The following SF3B1 variants were observed in gnomAD, a reference collection of about 807,000 sequenced individuals.
SF3B1 encodes the protein splicing factor 3b subunit 1.
A neutral mutation model predicts 153.8 loss-of-function variants in SF3B1; 12 were observed. The ratio of observed to expected loss-of-function variants is 0.08; its 90% CI spans 0.05 to 0.13. The LOEUF is 0.13. SF3B1 is among the 10% of genes least tolerant of loss of function. The pLI is 1.00. For synonymous variants in SF3B1, 498 were observed against 525.2 expected (o/e 0.95, Z 0.71); for missense variants, 513 against 1,606.1 (o/e 0.32, Z 11.63).
chr2:197,430,446 C>T (rs1445491570), intron 1 of SF3B1, among the ~76,000 whole-genome samples: 1 of 151,870 alleles, frequency 6.6e-6, no homozygotes, highest in Admixed American at 6.6e-5. Flanking sequence ...TTACTACTCA[C>T]GGTAGTTTTT....
At chr2:197,411,800 A>G (rs2085072449) in intron 6 of SF3B1, among the ~76,000 whole-genome samples, 1 of 152,084 alleles carries the variant, frequency 6.6e-6, no homozygotes, top group Non-Finnish European at 1.5e-5. Context: ...TTTTCCCTTA[A>G]AAACATACTA....
chr2:197,409,094 C>T (rs905339364), intron 7 of SF3B1, among the ~76,000 whole-genome samples: 1 of 151,976 alleles, frequency 6.6e-6, no homozygotes, highest in African/African-American at 2.4e-5. Flanking sequence ...ATTGTCTCTA[C>T]AAAAAATTTA....
At chr2:197,412,380 G>C (rs982820204) in intron 6 of SF3B1, among the ~76,000 whole-genome samples, 1 of 148,084 alleles carries the variant, frequency 6.8e-6, no homozygotes, top group Non-Finnish European at 1.5e-5. Context: ...ATTTGAGACA[G>C]AGTCTCACTC....
intron 9 of SF3B1, 67 bp from the exon 10 acceptor site, chr2:197,405,539 GCA>G: frequency 9.0e-7 from 1 of 1,113,280 alleles, no homozygotes; most frequent in South Asian, 1.4e-5. Context: ...AACAATATTT[GCA>G]CTTAAAATAT....
rs768672179 is a variant in SF3B1, at chr2:197,423,831, T to C, written c.172A>G (p.Ile58Val). 4 of 1,613,744 alleles carry C rather than the reference T, an allele frequency of 2.5e-6. No individual in the cohort carries two copies. The highest frequency in any genetic ancestry group is 1.3e-5 in the African/African-American group (1 of 74,934). The change falls in exon 2 of 25, where the codon ATT becomes GTT. Residue 58 changes from isoleucine (I) to valine (V), a missense_variant. By Grantham distance (29) the Ile-to-Val change is conservative. This residue lies in a region of SF3B1 where 14 missense variants were observed against 54.8 expected (regional missense o/e 0.26). Coordinates refer to ENST00000335508, the MANE Select transcript of SF3B1 (RefSeq NM_012433.4). ...DSRFAGYVTS[I>V]AATELEDDDD... ...ACATCTTCAAGTTCAGTTGCAGCAA[T>C]TGATGTCACGTATCCAGCAAATCTG...
chr2:197,422,582 T>C (rs2085262969), intron 2 of SF3B1, among the ~76,000 whole-genome samples: 1 of 151,014 alleles, frequency 6.6e-6, no homozygotes, highest in Non-Finnish European at 1.5e-5. Context: ...ACATCACCTA[T>C]CCAAAAATTA....
At chr2:197,419,291 T>C in intron 4 of SF3B1, 1 of 302,314 alleles carries the variant, frequency 3.3e-6, no homozygotes, top group East Asian at 5.1e-5. Flanking sequence ...AGAAGCAACG[T>C]GGTGTACAAA....
At chr2:197,423,049 T>A (rs139193412) in intron 2 of SF3B1, among the ~76,000 whole-genome samples, 4 of 152,196 alleles carry the variant, frequency 2.6e-5, no homozygotes, top group Admixed American at 2.6e-4. Flanking sequence ...TCCTCCTCCA[T>A]AGGAATTCAA....
intron 10 of SF3B1, 32 bp from the exon 11 acceptor site, chr2:197,405,209 G>A: frequency 6.3e-7 from 1 of 1,595,768 alleles, no homozygotes; most frequent in South Asian, 1.1e-5. Flanking sequence ...GTTAAGGGAA[G>A]TTGAAATGTT....
Position 197,401,972 on chromosome 2 carries a change from T to C in SF3B1, c.2223+13A>G, listed in dbSNP as rs2105984970. 6.2e-7 allele frequency: 1 copy of C among 1,608,268 alleles called. No individual in the cohort carries two copies. Among genetic ancestry groups the C allele is most frequent in the Non-Finnish European group, 8.5e-7 (1 of 1,178,014 alleles). ...TTAATGAAGATAAATCAAAAGGTAA[T>C]TGGTGGATTTACCTTTCCTCTGTGT... On this transcript the variant is annotated intron_variant, in intron 15 of 24. Coordinates refer to ENST00000335508, the MANE Select transcript of SF3B1 (RefSeq NM_012433.4). This position sits in a 1 kb window ranked among gnomAD's most constrained non-coding sequence, Gnocchi z 4.2.
intron 6 of SF3B1, 25 bp downstream of exon 6, chr2:197,416,716 A>C: frequency 1.3e-6 from 2 of 1,594,222 alleles, no homozygotes; most frequent in South Asian, 2.3e-5. Context: ...TTTAACAGTA[A>C]TAACAAAAAA....
intron 4 of SF3B1, chr2:197,418,966 C>G (rs2085197979): frequency 1.3e-6 from 2 of 1,582,410 alleles, no homozygotes; most frequent in African/African-American, 2.7e-5. Context: ...AAAATTATCT[C>G]TTTACCATTA....
At chr2:197,426,466 CT>C (rs201455233) in intron 1 of SF3B1, among the ~76,000 whole-genome samples, 1 of 150,812 alleles carries the variant, frequency 6.6e-6, no homozygotes, top group Admixed American at 6.6e-5. Context: ...CAGCTTCAGG[CT>C]TTTTTTTTAA....
chr2:197,417,031 T>C, intron 5 of SF3B1, 120 bp from the exon 6 acceptor site: 1 of 946,536 alleles, frequency 1.1e-6, no homozygotes. Context: ...TTCTATGTAC[T>C]GGTGATCTCC....
intron 1 of SF3B1, among the ~76,000 whole-genome samples, chr2:197,426,529 A>T (rs779982581): frequency 6.6e-6 from 1 of 152,164 alleles, no homozygotes; most frequent in Non-Finnish European, 1.5e-5. Flanking sequence ...TAAAAGGACC[A>T]CAAATGCTAC....
rs1325480404 is a variant in SF3B1, at chr2:197,402,194, A to T, written c.2078-64T>A. 1 of 1,532,328 alleles carries T rather than the reference A, an allele frequency of 6.5e-7. No homozygotes were observed. Among genetic ancestry groups the T allele is most frequent in the Non-Finnish European group, 8.8e-7 (1 of 1,137,572 alleles). The allele number at this position is 1,532,328 out of a possible 1,614,324, so 94.9% of individuals were successfully genotyped here. ...TTACCTAAGTTACACAATATCATCC[A>T]GATTCTCTCAATATATCAACTATTC... On this transcript the variant is annotated intron_variant, in intron 14 of 24. Transcript: ENST00000335508. This position sits in a 1 kb window ranked among gnomAD's most constrained non-coding sequence, Gnocchi z 4.6.
intron 1 of SF3B1, among the ~76,000 whole-genome samples, chr2:197,424,338 A>G (rs1410707530): frequency 6.6e-6 from 1 of 152,046 alleles, no homozygotes; most frequent in Non-Finnish European, 1.5e-5. Context: ...CGTCTCTACT[A>G]AAAAATACAA....
chr2:197,418,470 T>G (rs2085190189), intron 5 of SF3B1, 39 bp downstream of exon 5: 2 of 1,466,222 alleles, frequency 1.4e-6, no homozygotes, highest in Non-Finnish European at 1.9e-6. Flanking sequence ...GTATTTATAT[T>G]CTTTCACAAC....
In SF3B1 at chr2:197,398,535, G is replaced by A; in HGVS notation, c.3060C>T (p.Leu1020=). ...TPPIKDLLPR[L]TPILKNRHEK... is the part of the protein sequence containing the mutation. ...CATGTCTGTTCTTTAAGATGGGGGT[G>A]AGTCTAGGCAGCAGATCTTTAATTG... is the stretch of plus-strand genomic sequence containing the variant. Residue 1020 remains leucine, a synonymous_variant, in exon 21 of 25, where the codon CTC becomes CTT. Transcript: ENST00000335508. 6.2e-7 allele frequency: 1 copy of A among 1,613,030 alleles called. No individual in the cohort carries two copies. Among genetic ancestry groups the A allele is most frequent in the Non-Finnish European group, 8.5e-7 (1 of 1,179,076 alleles).
Sources: gnomAD v4.1 joint callset for allele counts (sites outside exome capture counted in the v4.1 genomes callset) on GRCh38, gnomAD v4.1.1 for gene constraint, gnomAD v4.1.1 regional missense constraint, Gnocchi (gnomAD v3.1) non-coding constraint, MANE v1.5 for transcripts, NCBI Gene and HGNC (gene_info 2026-07-23, HGNC 2026-07-21) for gene names.